Variants in CUL1 observed in about 807,000 individuals in gnomAD.
CUL1 encodes cullin 1.
Under a neutral mutation model 118.0 loss-of-function variants are expected in CUL1, and 24 were observed. The ratio of observed to expected loss-of-function variants is 0.20; its 90% CI spans 0.15 to 0.29. The LOEUF (loss-of-function observed/expected upper bound fraction) is 0.29, where lower values mean the gene tolerates loss of function less well. Ranked by LOEUF, CUL1 falls within the 10% of genes least tolerant of loss-of-function variation. The pLI is 1.00. For synonymous variants in CUL1, 332 were observed against 340.4 expected (o/e 0.98, Z 0.27); for missense variants, 361 against 933.8 (o/e 0.39, Z 7.99).
At chr7:148,773,288 C>G (rs1800281197) in intron 9 of CUL1, among the ~76,000 whole-genome samples, 1 of 152,010 alleles carries the variant, frequency 6.6e-6, no homozygotes, top group Admixed American at 6.6e-5. Context: ...TATCATTCCC[C>G]TACCCCAAAA....
At chr7:148,790,245 T>G in intron 15 of CUL1, 65 bp from the exon 16 acceptor site, 2 of 1,566,806 alleles carry the variant, frequency 1.3e-6, no homozygotes, top group South Asian at 1.1e-5. Context: ...TGGGCTTTAC[T>G]TAGAAACGCT....
At chr7:148,713,457 A>T (rs538995124) in intron 1 of CUL1, among the ~76,000 whole-genome samples, 5 of 152,294 alleles carry the variant, frequency 3.3e-5, no homozygotes, top group African/African-American at 1.2e-4. Flanking sequence ...AAGAATATAG[A>T]TGTTGACTTA....
Position 148,798,079 on chromosome 7 carries a change from A to G in CUL1, c.2030+60A>G. 3 of 982,264 alleles carry G rather than the reference A, an allele frequency of 3.1e-6. No homozygotes were observed. The South Asian group carries it at 4.3e-5, about 14-fold the overall frequency. The allele number at this position is 982,264 out of a possible 1,614,324, so 60.8% of individuals were successfully genotyped here. A position where few individuals can be genotyped will look rare whatever the true frequency, so the allele number is the denominator to read the frequency against. On this transcript the variant is annotated intron_variant, in intron 19 of 21. Coordinates refer to ENST00000325222, the MANE Select transcript of CUL1 (RefSeq NM_003592.3). ...CATAGACACGTCCCCCGGGAGCCCTAGCACGGATCTCAGTATTGTTACAAA... is the reference window on the plus strand; with the variant it reads ...CATAGACACGTCCCCCGGGAGCCCTGGCACGGATCTCAGTATTGTTACAAA...
chr7:148,796,380 G>C (rs1282412236), intron 17 of CUL1, among the ~76,000 whole-genome samples: 3 of 151,996 alleles, frequency 2.0e-5, no homozygotes, highest in Non-Finnish European at 2.9e-5. Context: ...GTATTTTCTC[G>C]AGTTTTGCAT....
intron 2 of CUL1, among the ~76,000 whole-genome samples, chr7:148,749,548 C>T (rs747221563): frequency 6.6e-6 from 1 of 151,804 alleles, no homozygotes; most frequent in Non-Finnish European, 1.5e-5. Context: ...AAAAGAATGG[C>T]TTTGAGGCGC....
At chr7:148,737,574 TTA>T (rs1173020025) in intron 2 of CUL1, among the ~76,000 whole-genome samples, 4 of 95,440 alleles carry the variant, frequency 4.2e-5, no homozygotes, top group South Asian at 3.5e-4. Flanking sequence ...ATATATATTT[TTA>T]TATTTATTTA....
At chr7:148,699,522 C>G (rs927586381) in intron 1 of CUL1, among the ~76,000 whole-genome samples, 1 of 152,134 alleles carries the variant, frequency 6.6e-6, no homozygotes, top group Non-Finnish European at 1.5e-5. Flanking sequence ...GCTTTCCGGC[C>G]GACGCGTGTT....
intron 1 of CUL1, among the ~76,000 whole-genome samples, chr7:148,706,179 G>T (rs368205658): frequency 6.6e-6 from 1 of 152,152 alleles, no homozygotes; most frequent in African/African-American, 2.4e-5. Flanking sequence ...GATCCCATCC[G>T]CAAGATACCT....
Position 148,730,108 on chromosome 7 carries a change from AG to A in CUL1, c.-14del, listed in dbSNP as rs1798708584. 1.2e-6 allele frequency: 2 copies of A among 1,611,110 alleles called. No individual in the cohort carries two copies. Among genetic ancestry groups the A allele is most frequent in the African/African-American group, 2.7e-5 (2 of 74,940 alleles). On this transcript the variant is annotated 5_prime_UTR_variant, in exon 2 of 22. Coordinates refer to ENST00000325222, the MANE Select transcript of CUL1 (RefSeq NM_003592.3). ...AAGGATTGCTGCACTGGACGACTTT[AG>A]AACATCCCTCACAATGTCGTCAACC...
chr7:148,767,861 A>C, intron 9 of CUL1, 112 bp downstream of exon 9: 17 of 1,044,238 alleles, frequency 1.6e-5, no homozygotes, highest in Non-Finnish European at 2.4e-5. Flanking sequence ...TTTCATTAGA[A>C]CTCTGAGAAC....
intron 1 of CUL1, among the ~76,000 whole-genome samples, chr7:148,729,733 AAAC>A (rs1798695519): frequency 6.6e-6 from 1 of 152,238 alleles, no homozygotes; most frequent in East Asian, 1.9e-4. Flanking sequence ...GTGCTTGTGC[AAAC>A]TTTTACCCAG....
intron 1 of CUL1, among the ~76,000 whole-genome samples, chr7:148,713,183 CAA>C (rs1798104597): frequency 6.6e-6 from 1 of 152,124 alleles, no homozygotes. Context: ...TACTTGGAAA[CAA>C]AATACACGCA....
At chr7:148,752,095 G>A (rs1799509316) in intron 2 of CUL1, among the ~76,000 whole-genome samples, 3 of 151,670 alleles carry the variant, frequency 2.0e-5, no homozygotes, top group Admixed American at 2.0e-4. Flanking sequence ...TGGGCAACAA[G>A]AGTGAAACTC....
intron 2 of CUL1, among the ~76,000 whole-genome samples, chr7:148,748,149 T>C (rs563036215): frequency 2.5e-4 from 38 of 152,132 alleles, no homozygotes; most frequent in African/African-American, 8.2e-4. Flanking sequence ...ACCGGAAACA[T>C]AGAAACAGAG....
intron 2 of CUL1, among the ~76,000 whole-genome samples, chr7:148,732,923 T>G (rs1221514812): frequency 6.6e-6 from 1 of 152,190 alleles, no homozygotes; most frequent in African/African-American, 2.4e-5. Context: ...AAGTCTAAAA[T>G]ATCTTTCTTT....
intron 9 of CUL1, among the ~76,000 whole-genome samples, chr7:148,769,132 C>CG (rs1219814751): frequency 1.3e-5 from 2 of 152,016 alleles, no homozygotes; most frequent in African/African-American, 4.8e-5. Flanking sequence ...AGCTATCTCA[C>CG]CCTTGGCGAG....
chr7:148,698,677 G>A (rs915970496), upstream of CUL1: 2 of 151,972 alleles, frequency 1.3e-5, no homozygotes, highest in Non-Finnish European at 2.9e-5. Flanking sequence ...TGGCGACGAC[G>A]GTTTCCCGGC....
chr7:148,779,693 G>A (rs952999729), intron 9 of CUL1, among the ~76,000 whole-genome samples: 1 of 152,244 alleles, frequency 6.6e-6, no homozygotes, highest in African/African-American at 2.4e-5. Context: ...TTGCTGCCAT[G>A]TAGAAAGTGG....
At chr7:148,799,127 C>T (rs909019684) in intron 20 of CUL1, 148 bp from the exon 21 acceptor site, 9 of 605,566 alleles carry the variant, frequency 1.5e-5, no homozygotes, top group South Asian at 1.0e-4. Flanking sequence ...TTCCCTCTCC[C>T]GTCTCACCTG....
Sources: allele counts gnomAD v4.1 joint callset (sites outside exome capture counted in the v4.1 genomes callset), GRCh38; gene constraint gnomAD v4.1.1; transcripts MANE v1.5; gene names NCBI Gene and HGNC (gene_info 2026-07-23, HGNC 2026-07-21).